Variants in B4GALNT2 observed in about 807,000 individuals in gnomAD.
The protein encoded by B4GALNT2 is beta-1,4-N-acetyl-galactosaminyltransferase 2 (SID blood group), also known as N-acetylneuraminylgalactosylglucosyl-glucoside beta-1,4-N- acetylgalactosaminyltransferase 2.
A neutral mutation model predicts 51.1 loss-of-function variants in B4GALNT2; 42 were observed. That is an observed-to-expected ratio of 0.82 (90% CI 0.64 to 1.06). B4GALNT2 has a LOEUF of 1.06. B4GALNT2 is among the 50% of genes least tolerant of loss of function. The probability of loss-of-function intolerance (pLI) is 0.00; values close to 1 mark genes in which losing one functional copy is unlikely to be tolerated. For missense variants in B4GALNT2, 602 were observed against 633.6 expected (o/e 0.95, Z 0.54); for synonymous variants, 253 against 251.7 (o/e 1.01, Z -0.05).
the B4GALNT2 span, among the ~76,000 whole-genome samples, chr17:49,124,070 T>C: frequency 6.6e-6 from 1 of 152,328 alleles, no homozygotes; most frequent in East Asian, 1.9e-4. Flanking sequence ...ATTTTGTTCA[T>C]GGGAGTATAC....
intron 3 of B4GALNT2, among the ~76,000 whole-genome samples, chr17:49,152,017 C>G (rs2042761556): frequency 6.6e-6 from 1 of 152,096 alleles, no homozygotes; most frequent in Admixed American, 6.6e-5. Flanking sequence ...GCTGCTGCAG[C>G]TGGGTGGGCC....
chr17:49,149,952 T>C (rs956271481), intron 3 of B4GALNT2, among the ~76,000 whole-genome samples: 2 of 152,252 alleles, frequency 1.3e-5, no homozygotes, highest in African/African-American at 4.8e-5. Context: ...CCATGTTTTT[T>C]TTAATTCACA....
At chr17:49,150,151 G>A (rs1430820210) in intron 3 of B4GALNT2, among the ~76,000 whole-genome samples, 2 of 150,760 alleles carry the variant, frequency 1.3e-5, no homozygotes, top group African/African-American at 4.9e-5. Flanking sequence ...CTACTGGGAA[G>A]TGAGGAGCCC....
At chr17:49,158,954 C>T (rs2042836527) in intron 5 of B4GALNT2, 83 bp from the exon 6 acceptor site, 1 of 1,482,762 alleles carries the variant, frequency 6.7e-7, no homozygotes, top group Non-Finnish European at 9.3e-7. Context: ...TGCCCTGGCT[C>T]CTGGCCTGGG....
intron 5 of B4GALNT2, 79 bp from the exon 6 acceptor site, chr17:49,158,958 G>A: frequency 2.7e-6 from 4 of 1,498,330 alleles, no homozygotes; most frequent in Non-Finnish European, 3.7e-6. Flanking sequence ...CTGGCTCCTG[G>A]CCTGGGTATG....
upstream of B4GALNT2, among the ~76,000 whole-genome samples, chr17:49,131,636 A>G (rs1324907456): frequency 6.6e-6 from 1 of 151,804 alleles, no homozygotes; most frequent in African/African-American, 2.4e-5. Flanking sequence ...TTAGCCTCCC[A>G]AGTAGCTGGG....
At chr17:49,133,718 G>T (rs1413988841) in intron 1 of B4GALNT2, among the ~76,000 whole-genome samples, 1 of 152,024 alleles carries the variant, frequency 6.6e-6, no homozygotes, top group Non-Finnish European at 1.5e-5. Flanking sequence ...TTCAAGACCA[G>T]CCTGGCCAAC....
chr17:49,160,094 CA>C (rs1193454049), intron 6 of B4GALNT2, among the ~76,000 whole-genome samples: 1 of 151,994 alleles, frequency 6.6e-6, no homozygotes, highest in Non-Finnish European at 1.5e-5. Flanking sequence ...AGGACATCAA[CA>C]GAAAAAAATG....
intron 5 of B4GALNT2, among the ~76,000 whole-genome samples, chr17:49,158,575 T>G (rs112950632): frequency 1.4e-5 from 2 of 143,096 alleles, no homozygotes; most frequent in African/African-American, 5.2e-5. Flanking sequence ...GAGGTGGAGG[T>G]TGCAGTGAGC....
rs764997159 is a variant in B4GALNT2 at position 49,142,117 on chromosome 17, G to A, written c.298G>A (p.Asp100Asn). The A allele has an allele frequency of 1.1e-5, 17 of 1,613,982 alleles. No individual in the cohort carries two copies. The highest frequency in any genetic ancestry group is 2.2e-5 in the East Asian group (1 of 44,890). Residue 100 changes from aspartate to asparagine, a missense_variant, in exon 3 of 11, where the codon GAC (aspartate) becomes AAC (asparagine). Asp to Asn is a conservative substitution (Grantham distance 23, BLOSUM62 1). Coordinates refer to ENST00000393354, the MANE Select transcript of B4GALNT2 (RefSeq NM_001159387.2). ...YNFQDAYGQS[D>N]LPAVKARRQA... Reference sequence around the variant, plus strand: ...CTTTCAGGATGCCTATGGCCAGAGCGACCTCCCAGCGGTGAAAGCGAGGAG... The same window carrying A: ...CTTTCAGGATGCCTATGGCCAGAGCAACCTCCCAGCGGTGAAAGCGAGGAG...
chr17:49,148,279 G>A (rs745745136), intron 3 of B4GALNT2: 52 of 306,208 alleles, frequency 1.7e-4, no homozygotes, highest in Non-Finnish European at 3.1e-4. Context: ...CAGCCTGGGC[G>A]ACAGAGTGAG....
At chr17:49,151,488 T>C (rs2042753312) in intron 3 of B4GALNT2, among the ~76,000 whole-genome samples, 1 of 151,954 alleles carries the variant, frequency 6.6e-6, no homozygotes, top group African/African-American at 2.4e-5. Context: ...TGGCTAACAT[T>C]TGTAATCCCA....
chr17:49,132,757 G>A (rs2144261691), upstream of B4GALNT2: 5 of 1,390,600 alleles, frequency 3.6e-6, no homozygotes, highest in East Asian at 1.5e-4. Context: ...GCTAGGCTCC[G>A]TGACATCCGG....
Position 49,157,691 on chromosome 17 carries a change from C to T in B4GALNT2, c.498+1088C>T, listed in dbSNP as rs143066144. 4.8e-3 allele frequency among the ~76,000 whole-genome samples: 734 copies of T among 152,110 alleles called. 10 individuals carry two copies. The highest frequency in any genetic ancestry group is 0.017 in the African/African-American group (694 of 41,488). ...TGCCCAGGCTGGTTTTGAACTCCTG[C>T]GCTCAAATGATCCTCCCACCTCGGT... On this transcript the variant is annotated intron_variant, in intron 5 of 10. Transcript: ENST00000393354.
intron 1 of B4GALNT2, among the ~76,000 whole-genome samples, chr17:49,139,485 C>G (rs1173746672): frequency 6.6e-6 from 1 of 152,156 alleles, no homozygotes. Flanking sequence ...CTCGGCCCCC[C>G]AAAGTGCTGG....
chr17:49,157,801 C>A (rs146141661), intron 5 of B4GALNT2, among the ~76,000 whole-genome samples: 1 of 152,164 alleles, frequency 6.6e-6, no homozygotes, highest in Non-Finnish European at 1.5e-5. Flanking sequence ...ACCTGAATTC[C>A]CTGCTGCGCG....
At chr17:49,143,280 AAACAAC>A (rs71144577) in intron 3 of B4GALNT2, among the ~76,000 whole-genome samples, 1 of 139,840 alleles carries the variant, frequency 7.2e-6, no homozygotes, top group African/African-American at 2.8e-5. Flanking sequence ...ACAAACAAAC[AAACAAC>A]AACAACAACA....
chr17:49,166,007 T>C, intron 8 of B4GALNT2, 107 bp from the exon 9 acceptor site: 1 of 1,284,890 alleles, frequency 7.8e-7, no homozygotes, highest in African/African-American at 1.5e-5. Context: ...TCTAATGGAA[T>C]TTGTCTGGAG....
the B4GALNT2 span, among the ~76,000 whole-genome samples, chr17:49,125,672 G>A: frequency 3.7e-5 from 5 of 133,562 alleles, no homozygotes; most frequent in South Asian, 2.5e-4. Flanking sequence ...GAGCGTCTCC[G>A]CCCTGTGGCC....
Sources: allele counts gnomAD v4.1 joint callset (sites outside exome capture counted in the v4.1 genomes callset), GRCh38; gene constraint gnomAD v4.1.1; transcripts MANE v1.5; gene names NCBI Gene and HGNC (gene_info 2026-07-23, HGNC 2026-07-21).